Variants in TDRD9 observed in about 807,000 individuals in gnomAD.
TDRD9 encodes the protein tudor domain containing 9.
In TDRD9, 124 loss-of-function variants were observed where a neutral mutation model predicts 172.6. The observed-to-expected ratio is 0.72, with a 90% CI of 0.62 to 0.83. The LOEUF is 0.83. Among genes scored for constraint, TDRD9 ranks in the 40% least tolerant of loss-of-function variants. TDRD9 has a pLI of 0.00. For synonymous variants in TDRD9, 619 were observed against 617.1 expected (o/e 1.00, Z -0.05); for missense variants, 1,479 against 1,714.1 (o/e 0.86, Z 2.42).
rs2034526790 is a variant in TDRD9, at chr14:104,008,907, C to G, written c.2106+441C>G. Among the ~76,000 whole-genome samples the G allele has an allele frequency of 2.6e-5, 4 of 152,258 alleles. No individual in the cohort carries two copies. The South Asian group carries it at 8.3e-4, about 32-fold the overall frequency. On this transcript the variant is annotated intron_variant, in intron 20 of 35. Coordinates refer to ENST00000409874, the MANE Select transcript of TDRD9 (RefSeq NM_153046.3). ...CTAGCCTGGGTGACAGAGCGAGAGC[C>G]TGTCTTGAAAAAGAAAAAGATAAAC...
rs1044678638 is a variant in TDRD9 at position 104,034,007 on chromosome 14, A to T, written c.3557A>T (p.Asp1186Val). 1.9e-6 allele frequency: 3 copies of T among 1,551,500 alleles called. No individual in the cohort carries two copies. Among genetic ancestry groups the T allele is most frequent in the Non-Finnish European group, 2.6e-6 (3 of 1,146,754 alleles). Residue 1186 changes from aspartate (D) to valine (V), a missense_variant, in exon 31 of 36, where the codon GAC (aspartate) becomes GTC (valine). Asp to Val is a radical substitution (Grantham distance 152). Transcript: ENST00000409874. ...KESINSVIIS[D>V]APEDLHQRML... ...AGCATCAACTCTGTCATTATCAGTG[A>T]CGCCCCTGAAGACCTTCACCAGAGA...
intron 11 of TDRD9, among the ~76,000 whole-genome samples, chr14:103,995,274 G>A (rs1317672450): frequency 6.6e-6 from 1 of 152,188 alleles, no homozygotes; most frequent in Non-Finnish European, 1.5e-5. Flanking sequence ...TGTGAATGAT[G>A]GAGTTGTTTT....
chr14:103,929,530 C>G lies in TDRD9; in HGVS notation c.215+806C>G, dbSNP rs145243984. Among the ~76,000 whole-genome samples the G allele has an allele frequency of 5.4e-3, 824 of 151,998 alleles. 2 individuals carry two copies. The highest frequency in any genetic ancestry group is 7.7e-3 in the Non-Finnish European group (524 of 67,952). On this transcript the variant is annotated intron_variant, in intron 1 of 35. Transcript: ENST00000409874. Reference sequence around the variant, plus strand: ...CTTGGTTGCTTCCAAGTTCTCCCCCCACCCCCCGAGATGGAGTCTCACTTT... The same window carrying G: ...CTTGGTTGCTTCCAAGTTCTCCCCCGACCCCCCGAGATGGAGTCTCACTTT...
At chr14:104,016,225 G>A (rs1336368745) in intron 22 of TDRD9, 137 bp downstream of exon 22, 4 of 619,584 alleles carry the variant, frequency 6.5e-6, no homozygotes, top group Non-Finnish European at 1.1e-5. Flanking sequence ...GCCTTTTCAG[G>A]TGTATCTAGG....
chr14:104,040,962 T>C (rs1379024053), intron 33 of TDRD9, among the ~76,000 whole-genome samples: 1 of 152,224 alleles, frequency 6.6e-6, no homozygotes, highest in African/African-American at 2.4e-5. Context: ...GTAATTTATT[T>C]TTATTGCATT....
chr14:103,940,787 C>T, intron 1 of TDRD9: 1 of 1,507,270 alleles, frequency 6.6e-7, no homozygotes, highest in African/African-American at 1.4e-5. Flanking sequence ...TCATAAAAAC[C>T]CCTCTAGTTG....
At chr14:103,996,010 T>C (rs1157234937) in intron 12 of TDRD9, among the ~76,000 whole-genome samples, 1 of 152,170 alleles carries the variant, frequency 6.6e-6, no homozygotes, top group Non-Finnish European at 1.5e-5. Flanking sequence ...TTTCATCCTT[T>C]AGGGCAAGCT....
chr14:103,999,073 G>A (rs549659310), intron 13 of TDRD9, among the ~76,000 whole-genome samples: 75 of 152,274 alleles, frequency 4.9e-4, no homozygotes, highest in South Asian at 2.3e-3. Context: ...GATTACAGGC[G>A]TGAGCCACCG....
At chr14:103,940,752 C>T (rs1482664620) in intron 1 of TDRD9, 12 of 1,217,782 alleles carry the variant, frequency 9.9e-6, no homozygotes, top group Admixed American at 4.7e-5. Context: ...TTTTCTTATT[C>T]TTAATATTAG....
chr14:104,022,117 G>T (rs1473009190), intron 23 of TDRD9, 40 bp from the exon 24 acceptor site: 3 of 1,505,362 alleles, frequency 2.0e-6, no homozygotes, highest in Non-Finnish European at 9.0e-7. Flanking sequence ...TTAAACAGAT[G>T]CCTGATAAAT....
At chr14:103,933,347 G>A (rs538262488) in intron 1 of TDRD9, among the ~76,000 whole-genome samples, 9 of 152,216 alleles carry the variant, frequency 5.9e-5, no homozygotes, top group Admixed American at 5.9e-4. Context: ...TGTGCTTTCT[G>A]CCGTGTACTT....
chr14:103,979,809 C>T (rs1011753671), intron 7 of TDRD9, among the ~76,000 whole-genome samples: 1 of 151,988 alleles, frequency 6.6e-6, no homozygotes, highest in Admixed American at 6.5e-5. Flanking sequence ...AGGTGAGGCT[C>T]TATTCAAGGT....
At chr14:103,939,314 A>G (rs7148877) in intron 1 of TDRD9, among the ~76,000 whole-genome samples, 53,985 of 151,970 alleles carry the variant, frequency 0.36, 9,748 homozygotes, top group Middle Eastern at 0.38. Flanking sequence ...TCTTTAAATG[A>G]AAATTTTGTT....
At chr14:103,939,893 T>C (rs2031109963) in intron 1 of TDRD9, 1 of 150,810 alleles carries the variant, frequency 6.6e-6, no homozygotes, top group Non-Finnish European at 1.5e-5. Flanking sequence ...ACTACAGGTA[T>C]GTGCCACCAC....
intron 20 of TDRD9, among the ~76,000 whole-genome samples, chr14:104,010,617 A>T (rs1407735436): frequency 4.1e-5 from 6 of 145,436 alleles, no homozygotes; most frequent in Non-Finnish European, 7.6e-5. Context: ...AAGTTAATTT[A>T]AAAAAAAAAT....
chr14:104,049,758 G>A (rs1225676799), intron 35 of TDRD9, 78 bp downstream of exon 35: 1 of 1,292,888 alleles, frequency 7.7e-7, no homozygotes, highest in East Asian at 2.5e-5. Flanking sequence ...CCAGGGTTCA[G>A]AGCCAGGGCT....
Position 103,977,748 on chromosome 14 carries a change from A to G in TDRD9, c.1011+2195A>G, listed in dbSNP as rs553649395. 3.6e-4 allele frequency among the ~76,000 whole-genome samples: 55 copies of G among 150,762 alleles called. 2 individuals carry two copies. The highest frequency in any genetic ancestry group is 1.2e-3 in the African/African-American group (51 of 41,048). ...TTAGCCATCAAATCTTTGTACAAAT[A>G]TATGTCCTGAAGCATTTTCCCTATG... On this transcript the variant is annotated intron_variant, in intron 7 of 35. Coordinates refer to ENST00000409874, the MANE Select transcript of TDRD9 (RefSeq NM_153046.3).
At chr14:103,976,660 T>C (rs1232264567) in intron 7 of TDRD9, among the ~76,000 whole-genome samples, 1 of 152,228 alleles carries the variant, frequency 6.6e-6, no homozygotes, top group Non-Finnish European at 1.5e-5. Flanking sequence ...CTCTTCAGCA[T>C]ATTGTTTTTC....
At chr14:104,000,546 A>G (rs1004708040) in intron 13 of TDRD9, among the ~76,000 whole-genome samples, 4 of 152,204 alleles carry the variant, frequency 2.6e-5, no homozygotes, top group African/African-American at 4.8e-5. Context: ...GCACTTCGGG[A>G]GGCTGAGGCT....
Sources: allele counts gnomAD v4.1 joint callset (sites outside exome capture counted in the v4.1 genomes callset), GRCh38; gene constraint gnomAD v4.1.1; transcripts MANE v1.5; gene names NCBI Gene and HGNC (gene_info 2026-07-23, HGNC 2026-07-21).